PMS1: variants seen among roughly 807,000 people sequenced by gnomAD.
The protein encoded by PMS1 is PMS1 protein homolog 1.
A neutral mutation model predicts 93.1 loss-of-function variants in PMS1; 79 were observed. The observed-to-expected ratio is 0.85, with a 90% confidence interval of 0.71 to 1.02. PMS1 has a LOEUF of 1.02. Among genes scored for constraint, PMS1 ranks in the 50% least tolerant of loss-of-function variants. PMS1 has a pLI of 0.00. For synonymous variants in PMS1, 335 were observed against 363.4 expected (o/e 0.92, Z 0.89); for missense variants, 1,064 against 1,085.3 (o/e 0.98, Z 0.28).
intron 5 of PMS1, among the ~76,000 whole-genome samples, chr2:189,834,034 C>T (rs1211443318): frequency 3.3e-5 from 5 of 152,222 alleles, no homozygotes; most frequent in Non-Finnish European, 5.9e-5. Context: ...ATTTCTTTGT[C>T]TCTTTAAAAT....
rs190507703 is a variant in PMS1 at position 189,828,115 on chromosome 2, G to A, written c.582+9935G>A. On this transcript the variant is annotated intron_variant, in intron 5 of 12. Coordinates refer to ENST00000441310, the MANE Select transcript of PMS1 (RefSeq NM_000534.5). ...ATTTTTTGTTTTTTTTAGTAGAGAC[G>A]GGGTTTCACCATATTAGCCAGGATG... 1.2e-3 allele frequency among the ~76,000 whole-genome samples: 178 copies of A among 152,030 alleles called. 1 individual carries two copies. Among genetic ancestry groups the A allele is most frequent in the African/African-American group, 3.8e-3 (159 of 41,454 alleles).
In PMS1 at chr2:189,826,344, G is replaced by A. The variant is rs534338130; in HGVS notation, c.582+8164G>A. ...TCCAGTGCCAATCTGGAAAGTTTGGGTGTGTTTTGTTTTTGTTTCTTTTTT... is the reference window on the plus strand; with the variant it reads ...TCCAGTGCCAATCTGGAAAGTTTGGATGTGTTTTGTTTTTGTTTCTTTTTT... On this transcript the variant is annotated intron_variant, in intron 5 of 12. Transcript: ENST00000441310. 2.6e-5 allele frequency among the ~76,000 whole-genome samples: 4 copies of A among 152,088 alleles called. No individual in the cohort carries two copies. The South Asian group carries it at 6.2e-4, about 24-fold the overall frequency.
At chr2:189,849,668 A>T (rs1356973440) in intron 6 of PMS1, among the ~76,000 whole-genome samples, 1 of 151,966 alleles carries the variant, frequency 6.6e-6, no homozygotes, top group Non-Finnish European at 1.5e-5. Context: ...TCTTTCCCAT[A>T]GTTTGGCAGA....
At chr2:189,853,869 A>C (rs5743134) in intron 7 of PMS1, 70 bp from the exon 8 acceptor site, 10,593 of 980,726 alleles carry the variant, frequency 0.011, 67 homozygotes, top group Middle Eastern at 0.021. Context: ...TCTCAGTTGA[A>C]TTTGCTGGGT....
intron 9 of PMS1, among the ~76,000 whole-genome samples, chr2:189,861,151 G>A (rs909446998): frequency 6.6e-6 from 1 of 151,742 alleles, no homozygotes; most frequent in African/African-American, 2.4e-5. Flanking sequence ...TTTTTGGGGG[G>A]AGAGGAGCCC....
chr2:189,801,494 TA>T (rs1423773793), intron 3 of PMS1, among the ~76,000 whole-genome samples: 1 of 152,238 alleles, frequency 6.6e-6, no homozygotes, highest in Non-Finnish European at 1.5e-5. Flanking sequence ...AAACACAAAA[TA>T]TTTTTCTTTT....
At position 189,785,012 on chromosome 2, in the gene PMS1, C is replaced by T. The variant is rs558950034; in HGVS notation, c.-21+419C>T. On this transcript the variant is annotated intron_variant, in intron 1 of 12. Transcript: ENST00000441310. ...TGGCCTTCTGGGTTTATCCGTACGC[C>T]GAAGACAGGCACCTGTATTACATGC... is the stretch of plus-strand genomic sequence containing the variant. 2.6e-5 allele frequency among the ~76,000 whole-genome samples: 4 copies of T among 152,230 alleles called. No individual in the cohort carries two copies. The East Asian group carries it at 7.7e-4, about 29-fold the overall frequency.
At chr2:189,841,687 C>T (rs1226117567) in intron 5 of PMS1, among the ~76,000 whole-genome samples, 1 of 151,874 alleles carries the variant, frequency 6.6e-6, no homozygotes, top group Non-Finnish European at 1.5e-5. Context: ...GGTCCAGTCT[C>T]CTCTCTCTTT....
rs181130927 is a variant in PMS1, at chr2:189,873,659, A to G, written c.2634+3A>G. On this transcript the variant is annotated splice_donor_region_variant and intron_variant, in intron 12 of 12. Coordinates refer to ENST00000441310, the MANE Select transcript of PMS1 (RefSeq NM_000534.5). ...GCAAAGTGATAAGTTATTTAGAGGT[A>G]CGCATTATTTTATATATATGTTATT... is the stretch of plus-strand genomic sequence containing the variant. 4.4e-6 allele frequency: 7 copies of G among 1,598,156 alleles called. No homozygotes were observed. Among genetic ancestry groups the G allele is most frequent in the Non-Finnish European group, 6.0e-6 (7 of 1,166,124 alleles).
At chr2:189,857,493 A>G in intron 9 of PMS1, 1 of 469,036 alleles carries the variant, frequency 2.1e-6, no homozygotes, top group Admixed American at 2.4e-5. Context: ...CCATGATCCT[A>G]AATTCTCTAA....
At chr2:189,851,795 A>G (rs1289896638) in intron 6 of PMS1, among the ~76,000 whole-genome samples, 1 of 152,144 alleles carries the variant, frequency 6.6e-6, no homozygotes, top group Non-Finnish European at 1.5e-5. Flanking sequence ...TTAAGCCTAT[A>G]TTTTAAATAA....
chr2:189,855,241 A>T, intron 9 of PMS1, 113 bp downstream of exon 9: 1 of 901,052 alleles, frequency 1.1e-6, no homozygotes, highest in Admixed American at 2.0e-5. Context: ...GCAGATCAGA[A>T]AATACCTTTG....
At chr2:189,833,794 T>A (rs2053161117) in intron 5 of PMS1, among the ~76,000 whole-genome samples, 1 of 152,166 alleles carries the variant, frequency 6.6e-6, no homozygotes, top group Admixed American at 6.5e-5. Context: ...TGAGAATAAT[T>A]CTTAATTAAT....
In PMS1 at chr2:189,793,120, C is replaced by G. The variant is rs370832582; in HGVS notation, c.132+1179C>G. Among the ~76,000 whole-genome samples the G allele has an allele frequency of 2.6e-5, 4 of 152,238 alleles. No homozygotes were observed. In the East Asian group the frequency reaches 7.7e-4, roughly 29 times the overall value. ...CCACTCATGCCCAGCCATACTATAC[C>G]CATTTTACAGATAATGTTCTGAGAA... On this transcript the variant is annotated intron_variant, in intron 2 of 12. Coordinates refer to ENST00000441310, the MANE Select transcript of PMS1 (RefSeq NM_000534.5).
intron 4 of PMS1, chr2:189,806,436 C>A: frequency 3.1e-6 from 1 of 319,600 alleles, no homozygotes; most frequent in Non-Finnish European, 6.1e-6. Context: ...CTCACTCTGT[C>A]ACACAGGCTG....
At chr2:189,865,316 A>T (rs1292711109) in intron 10 of PMS1, among the ~76,000 whole-genome samples, 1 of 152,130 alleles carries the variant, frequency 6.6e-6, no homozygotes, top group African/African-American at 2.4e-5. Flanking sequence ...GTTCAGTGGA[A>T]TGTTCTGTTG....
chr2:189,821,456 C>CAAAA (rs779436688), intron 5 of PMS1, among the ~76,000 whole-genome samples: 19 of 91,990 alleles, frequency 2.1e-4, no homozygotes, highest in African/African-American at 5.6e-4. Context: ...GACTCCGTCT[C>CAAAA]AAAAAAAAAA....
chr2:189,818,148 C>G lies in PMS1; in HGVS notation c.550C>G (p.Pro184Ala). Reference protein sequence around the residue: ...DLLMSFGILKPDLRIVFVHNK... With the variant: ...DLLMSFGILKADLRIVFVHNK... ...CCTCATGAGCTTTGGTATCCTTAAA[C>G]CTGACTTAAGGATTGTCTTTGTACA... Residue 184 changes from proline (P) to alanine (A), a missense_variant, in exon 5 of 13, where the codon CCT becomes GCT. Physicochemically the swap from Pro to Ala is conservative, Grantham distance 27. Transcript: ENST00000441310. 6.2e-7 allele frequency: 1 copy of G among 1,604,490 alleles called. No individual in the cohort carries two copies. The highest frequency in any genetic ancestry group is 8.5e-7 in the Non-Finnish European group (1 of 1,171,966).
intron 4 of PMS1, chr2:189,806,804 G>A (rs907884563): frequency 6.3e-5 from 13 of 205,544 alleles, no homozygotes; most frequent in Non-Finnish European, 1.2e-4. Context: ...ATAATTTCTA[G>A]TGATGGGATG....
Sources: gnomAD v4.1 joint callset for allele counts (sites outside exome capture counted in the v4.1 genomes callset) on GRCh38, gnomAD v4.1.1 for gene constraint, MANE v1.5 for transcripts, NCBI Gene and HGNC (gene_info 2026-07-23, HGNC 2026-07-21) for gene names.